ERBB4: variants seen among roughly 807,000 people sequenced by gnomAD.
ERBB4 encodes erb-b2 receptor tyrosine kinase 4.
ERBB4 carries 42 observed loss-of-function variants against 158.0 expected under a neutral mutation model. The ratio of observed to expected loss-of-function variants is 0.27; its 90% CI spans 0.21 to 0.34. The LOEUF (loss-of-function observed/expected upper bound fraction) is 0.34. Ranked by LOEUF, ERBB4 falls within the 10% of genes least tolerant of loss-of-function variation. The pLI is 1.00. For synonymous variants in ERBB4, 583 were observed against 558.7 expected, an observed-to-expected ratio of 1.04 and a Z score of -0.61; for missense variants, 1,333 against 1,624.1, an observed-to-expected ratio of 0.82 and a Z score of 3.08.
At chr2:211,563,161 T>A (rs1167411175) in intron 19 of ERBB4, among the ~76,000 whole-genome samples, 9 of 152,212 alleles carry the variant, frequency 5.9e-5, no homozygotes, top group African/African-American at 2.2e-4. Flanking sequence ...TGCATACCAG[T>A]TAGCTTCTAA....
intron 25 of ERBB4, among the ~76,000 whole-genome samples, chr2:211,413,309 A>AAAAAAAAAAAAC (rs1553524037): frequency 1.1e-5 from 1 of 94,558 alleles, no homozygotes; most frequent in African/African-American, 3.8e-5. Flanking sequence ...CTGTCTTAAA[A>AAAAAAAAAAAAC]ACACACACAC....
At chr2:212,503,766 CA>C (rs1691030579) in intron 1 of ERBB4, among the ~76,000 whole-genome samples, 1 of 152,020 alleles carries the variant, frequency 6.6e-6, no homozygotes, top group Non-Finnish European at 1.5e-5. Flanking sequence ...GAGGAACAGT[CA>C]AAAGTAGCTT....
chr2:212,374,290 G>C (rs2090243593), intron 1 of ERBB4, among the ~76,000 whole-genome samples: 1 of 151,278 alleles, frequency 6.6e-6, no homozygotes, highest in African/African-American at 2.4e-5. Context: ...TGACTATTTT[G>C]ACTTTGAAGG....
At chr2:211,421,463 A>G (rs1370223834) in intron 24 of ERBB4, among the ~76,000 whole-genome samples, 1 of 151,938 alleles carries the variant, frequency 6.6e-6, no homozygotes, top group African/African-American at 2.4e-5. Flanking sequence ...AGTGTTAAAT[A>G]TAAAATATTT....
rs1243657237 is a variant in ERBB4, at chr2:211,382,934, T to C, written c.*681A>G. On this transcript the variant is annotated 3_prime_UTR_variant, in exon 28 of 28. Transcript: ENST00000342788. ...TTAAAGCCAAAAATAGGGGAGCAAA[T>C]ATAAAGGAATCGGTCAGAGCAAAAC... is the stretch of plus-strand genomic sequence containing the variant. The C allele has an allele frequency of 4.3e-6, 1 of 232,272 alleles. No homozygotes were observed. The highest frequency in any genetic ancestry group is 8.5e-6 in the Non-Finnish European group (1 of 117,700). 14.4% of individuals were successfully genotyped at this position (232,272 alleles called of 1,614,324 possible).
At chr2:211,517,049 T>C (rs2066053630) in intron 20 of ERBB4, among the ~76,000 whole-genome samples, 1 of 152,030 alleles carries the variant, frequency 6.6e-6, no homozygotes, top group Admixed American at 6.5e-5. Context: ...CACTTAGGAG[T>C]AGGTAAACAG....
intron 1 of ERBB4, among the ~76,000 whole-genome samples, chr2:212,449,675 T>C (rs931619654): frequency 3.3e-5 from 5 of 152,274 alleles, no homozygotes; most frequent in African/African-American, 1.2e-4. Context: ...TCACATTGCA[T>C]TAATTTTTGA....
At chr2:212,047,137 C>T (rs2077279399) in intron 2 of ERBB4, among the ~76,000 whole-genome samples, 1 of 152,058 alleles carries the variant, frequency 6.6e-6, no homozygotes, top group Admixed American at 6.6e-5. Context: ...TATTGTTGTC[C>T]TAAAATGAAG....
chr2:212,034,847 G>A (rs554578047), intron 2 of ERBB4, among the ~76,000 whole-genome samples: 3 of 152,216 alleles, frequency 2.0e-5, no homozygotes, highest in African/African-American at 7.2e-5. Flanking sequence ...TGAGACTGGT[G>A]CAAAAATGCT....
At chr2:212,526,462 A>G (rs1257431690) in intron 1 of ERBB4, among the ~76,000 whole-genome samples, 4 of 152,138 alleles carry the variant, frequency 2.6e-5, no homozygotes, top group East Asian at 1.9e-4. Context: ...CTAAAGAATT[A>G]TATCTGAATA....
intron 1 of ERBB4, among the ~76,000 whole-genome samples, chr2:212,240,379 G>C (rs2084038352): frequency 6.6e-6 from 1 of 151,924 alleles, no homozygotes; most frequent in South Asian, 2.1e-4. Flanking sequence ...AGGAGCTATG[G>C]TTCACGTCTG....
At chr2:211,881,450 T>C (rs146134815) in intron 3 of ERBB4, among the ~76,000 whole-genome samples, 249 of 152,182 alleles carry the variant, frequency 1.6e-3, no homozygotes, top group African/African-American at 5.5e-3. Flanking sequence ...GCTGCGCCAA[T>C]AGAGAAGGAC....
intron 1 of ERBB4, among the ~76,000 whole-genome samples, chr2:212,314,314 C>T (rs2087175344): frequency 1.3e-5 from 2 of 150,724 alleles, no homozygotes; most frequent in African/African-American, 4.9e-5. Context: ...TTTTTTCAAG[C>T]ACTTTTTTTC....
intron 2 of ERBB4, among the ~76,000 whole-genome samples, chr2:212,116,417 A>T (rs145447568): frequency 1.8e-4 from 28 of 152,238 alleles, no homozygotes; most frequent in African/African-American, 6.5e-4. Context: ...TACAGAGGAA[A>T]CTCATAGATG....
chr2:211,456,869 C>T (rs1461838503), intron 20 of ERBB4, among the ~76,000 whole-genome samples: 2 of 152,162 alleles, frequency 1.3e-5, no homozygotes, highest in Non-Finnish European at 2.9e-5. Flanking sequence ...GGCAGTAATG[C>T]TCACTTGCAG....
Position 211,950,471 on chromosome 2 carries a change from T to C in ERBB4, c.235-2855A>G, listed in dbSNP as rs181257818. Among the ~76,000 whole-genome samples, 265 of 152,256 alleles carry C rather than the reference T, an allele frequency of 1.7e-3. 1 individual carries two copies. Among genetic ancestry groups the C allele is most frequent in the African/African-American group, 6.0e-3 (251 of 41,550 alleles). On this transcript the variant is annotated intron_variant, in intron 2 of 27. Coordinates refer to ENST00000342788, the MANE Select transcript of ERBB4 (RefSeq NM_005235.3). Reference sequence around the variant, plus strand: ...GGCCATCCAGGTTGTTATAAAGATATATCTGTCAAAATGGGAAAATATAAC... The same window carrying C: ...GGCCATCCAGGTTGTTATAAAGATACATCTGTCAAAATGGGAAAATATAAC...
chr2:211,688,406 T>C (rs981996111), intron 12 of ERBB4, among the ~76,000 whole-genome samples: 2 of 152,218 alleles, frequency 1.3e-5, no homozygotes, highest in Admixed American at 6.5e-5. Context: ...TCCCTCATTA[T>C]ACTGTGGCTT....
At chr2:211,822,552 G>C (rs1014112258) in intron 3 of ERBB4, among the ~76,000 whole-genome samples, 1 of 151,952 alleles carries the variant, frequency 6.6e-6, no homozygotes, top group Admixed American at 6.6e-5. Context: ...TCCATCTTCA[G>C]GGAAGCTATC....
At chr2:212,104,121 A>G (rs1393315163) in intron 2 of ERBB4, among the ~76,000 whole-genome samples, 1 of 152,048 alleles carries the variant, frequency 6.6e-6, no homozygotes, top group Non-Finnish European at 1.5e-5. Flanking sequence ...TTTTTAGCCC[A>G]GTGTCATGCT....
Sources: allele counts gnomAD v4.1 joint callset (sites outside exome capture counted in the v4.1 genomes callset), GRCh38; gene constraint gnomAD v4.1.1; transcripts MANE v1.5; gene names NCBI Gene and HGNC (gene_info 2026-07-23, HGNC 2026-07-21).